Variants in TMEM131 observed in about 807,000 individuals in gnomAD.
TMEM131 encodes transmembrane protein 131.
A neutral mutation model predicts 211.6 loss-of-function variants in TMEM131; 66 were observed. The observed-to-expected ratio is 0.31, with a 90% confidence interval of 0.26 to 0.38. The LOEUF (loss-of-function observed/expected upper bound fraction) is 0.38, where lower values mean the gene tolerates loss of function less well. TMEM131 is among the 10% of genes least tolerant of loss of function. TMEM131 has a pLI of 1.00. For missense variants in TMEM131, 2,036 were observed against 2,299.3 expected (o/e 0.89, Z 2.34); for synonymous variants, 844 against 841.3 (o/e 1.00, Z -0.06).
intron 35 of TMEM131, 33 bp downstream of exon 35, chr2:97,766,081 G>T (rs779520804): frequency 3.1e-6 from 5 of 1,610,834 alleles, no homozygotes; most frequent in Non-Finnish European, 4.2e-6. Context: ...GTGGGTAAGT[G>T]GAGCCCTGTG....
At chr2:97,832,465 A>G (rs1682747735) in intron 11 of TMEM131, among the ~76,000 whole-genome samples, 1 of 152,160 alleles carries the variant, frequency 6.6e-6, no homozygotes, top group South Asian at 2.1e-4. Flanking sequence ...GCGCATCAGA[A>G]TGTGGTTACC....
chr2:97,849,587 C>A (rs1035110761), intron 5 of TMEM131, among the ~76,000 whole-genome samples: 9 of 151,968 alleles, frequency 5.9e-5, no homozygotes, highest in African/African-American at 1.7e-4. Flanking sequence ...CAGAACTATA[C>A]ACTAAAAGGG....
intron 1 of TMEM131, among the ~76,000 whole-genome samples, chr2:97,981,411 T>C (rs1266277762): frequency 6.6e-6 from 1 of 152,204 alleles, no homozygotes; most frequent in African/African-American, 2.4e-5. Flanking sequence ...GCCAAACTTC[T>C]TTCCATTAAG....
chr2:97,776,594 G>A (rs754214735), intron 31 of TMEM131, among the ~76,000 whole-genome samples: 5 of 152,118 alleles, frequency 3.3e-5, no homozygotes, highest in Non-Finnish European at 5.9e-5. Flanking sequence ...GGACAAACTC[G>A]GCAGTTTTGA....
At chr2:97,893,902 T>G (rs953555115) in intron 3 of TMEM131, among the ~76,000 whole-genome samples, 3 of 152,246 alleles carry the variant, frequency 2.0e-5, no homozygotes, top group East Asian at 1.9e-4. Context: ...TGTGTCAATT[T>G]TGGCTTTTGC....
At chr2:97,796,153 A>AAAAAG in intron 28 of TMEM131, 65 bp downstream of exon 28, 1 of 975,416 alleles carries the variant, frequency 1.0e-6, no homozygotes, top group Non-Finnish European at 1.5e-6. Flanking sequence ...AAATATGAAA[A>AAAAAG]CATATCTTTG....
intron 1 of TMEM131, among the ~76,000 whole-genome samples, chr2:97,987,934 C>T (rs1573658622): frequency 6.6e-6 from 1 of 152,136 alleles, no homozygotes; most frequent in East Asian, 1.9e-4. Context: ...ATCCCAAAAT[C>T]CCAAGGCAAG....
chr2:97,973,678 G>A (rs1225842011), intron 1 of TMEM131, among the ~76,000 whole-genome samples: 1 of 152,102 alleles, frequency 6.6e-6, no homozygotes, highest in Non-Finnish European at 1.5e-5. Context: ...AAGGATTAGA[G>A]GAACAATGCC....
Position 97,776,168 on chromosome 2 carries a change from C to T in TMEM131, c.4145-150G>A, listed in dbSNP as rs963894259. On this transcript the variant is annotated intron_variant, in intron 31 of 40. Transcript: ENST00000186436. ...TCCCGGGTTCACACCATTCTCCTGCCTCAGCCTCCTGAGTAGCTGGGACTA... is the reference window on the plus strand; with the variant it reads ...TCCCGGGTTCACACCATTCTCCTGCTTCAGCCTCCTGAGTAGCTGGGACTA... 31 of 745,054 alleles carry T rather than the reference C, an allele frequency of 4.2e-5. No individual in the cohort carries two copies. The African/African-American group carries it at 4.8e-4, about 12-fold the overall frequency. The allele number at this position is 745,054 out of a possible 1,614,324, so 46.2% of individuals were successfully genotyped here.
chr2:97,893,590 G>C (rs1675475385), intron 3 of TMEM131, among the ~76,000 whole-genome samples: 1 of 152,168 alleles, frequency 6.6e-6, no homozygotes, highest in Non-Finnish European at 1.5e-5. Flanking sequence ...CATTCTAACT[G>C]GCGTGAGATG....
intron 4 of TMEM131, among the ~76,000 whole-genome samples, chr2:97,879,600 A>T (rs1425765578): frequency 6.6e-6 from 1 of 152,064 alleles, no homozygotes. Flanking sequence ...GTCCACACGG[A>T]TTTTCTTCCG....
intron 4 of TMEM131, among the ~76,000 whole-genome samples, chr2:97,866,276 T>C (rs1360354117): frequency 6.6e-6 from 1 of 152,258 alleles, no homozygotes; most frequent in African/African-American, 2.4e-5. Flanking sequence ...TTTGTGTATT[T>C]TGGGTCTTTC....
At chr2:97,934,800 T>A (rs907155998) in intron 1 of TMEM131, among the ~76,000 whole-genome samples, 24 of 152,200 alleles carry the variant, frequency 1.6e-4, no homozygotes, top group Admixed American at 7.2e-4. Context: ...ATGAGACATC[T>A]ATAGACCAAA....
chr2:97,839,482 C>A (rs1683094855), intron 7 of TMEM131, among the ~76,000 whole-genome samples: 1 of 152,156 alleles, frequency 6.6e-6, no homozygotes, highest in African/African-American at 2.4e-5. Flanking sequence ...AACTAGGAAC[C>A]TGACACATTC....
chr2:97,812,285 TC>T, intron 17 of TMEM131, 135 bp downstream of exon 17: 1 of 950,568 alleles, frequency 1.1e-6, no homozygotes, highest in Non-Finnish European at 1.5e-6. Flanking sequence ...ACCTATAAGG[TC>T]CTTTTAATAG....
At chr2:97,940,385 G>C (rs1462908279) in intron 1 of TMEM131, among the ~76,000 whole-genome samples, 14 of 152,128 alleles carry the variant, frequency 9.2e-5, no homozygotes, top group Non-Finnish European at 5.9e-5. Flanking sequence ...AAGAGACAGA[G>C]AGCCAAATCA....
In TMEM131 at chr2:97,841,882, C is replaced by G. The variant is rs758631953; in HGVS notation, c.656G>C (p.Arg219Thr). The G allele has an allele frequency of 2.5e-6, 4 of 1,597,736 alleles. No individual in the cohort carries two copies. Among genetic ancestry groups the G allele is most frequent in the South Asian group, 1.1e-5 (1 of 88,120 alleles). Residue 219 changes from arginine to threonine, a missense_variant, in exon 7 of 41, where the codon AGA becomes ACA. Arg to Thr is a moderately conservative substitution (Grantham distance 71). Around this residue, in one of 3 missense-constraint regions of TMEM131, gnomAD observed 277 missense variants for 378.0 expected, o/e 0.73. Transcript: ENST00000186436. ...TGAGAAACTGCTATTCACAGGGACT[C>G]TGGCCCCAAGGAACGGCCTCAATCG... The part of the protein sequence containing the change: ...PYRLRPFLGA[R>T]VPVNSSFSPI...
intron 15 of TMEM131, among the ~76,000 whole-genome samples, chr2:97,812,998 A>T (rs986096100): frequency 1.8e-4 from 28 of 152,186 alleles, no homozygotes; most frequent in Admixed American, 2.6e-4. Flanking sequence ...TCTAAAAAAA[A>T]AAAAAATTAC....
intron 1 of TMEM131, among the ~76,000 whole-genome samples, chr2:97,952,858 G>C (rs2104537945): frequency 6.6e-6 from 1 of 152,132 alleles, no homozygotes; most frequent in African/African-American, 2.4e-5. Context: ...CTCCTACCTG[G>C]GTGACAGAGT....
Sources: allele counts gnomAD v4.1 joint callset (sites outside exome capture counted in the v4.1 genomes callset), GRCh38; gene constraint gnomAD v4.1.1; regional missense constraint gnomAD v4.1.1; transcripts MANE v1.5; gene names NCBI Gene and HGNC (gene_info 2026-07-23, HGNC 2026-07-21).